CNTNAP2: variants seen among roughly 807,000 people sequenced by gnomAD.
CNTNAP2 encodes the protein contactin-associated protein-like 2.
CNTNAP2 carries 98 observed loss-of-function variants against 155.2 expected under a neutral mutation model. The ratio of observed to expected loss-of-function variants is 0.63; its 90% CI spans 0.54 to 0.75. CNTNAP2 has a LOEUF of 0.75. Among genes scored for constraint, CNTNAP2 ranks in the 30% least tolerant of loss-of-function variants. The pLI, the probability that CNTNAP2 is intolerant of heterozygous loss-of-function variation, is 0.00. For missense variants in CNTNAP2, 1,727 were observed against 1,688.1 expected (o/e 1.02, Z -0.40); for synonymous variants, 651 against 631.2 (o/e 1.03, Z -0.47).
intron 1 of CNTNAP2, among the ~76,000 whole-genome samples, chr7:146,737,698 G>T (rs982267251): frequency 2.0e-5 from 3 of 151,752 alleles, no homozygotes; most frequent in African/African-American, 7.3e-5. Context: ...TTGGCCATTT[G>T]TATGCCTTCT....
intron 13 of CNTNAP2, among the ~76,000 whole-genome samples, chr7:147,772,794 C>G (rs1299296107): frequency 6.6e-6 from 1 of 151,976 alleles, no homozygotes; most frequent in Non-Finnish European, 1.5e-5. Context: ...GAGACATCTC[C>G]CACATACAGT....
In CNTNAP2 at chr7:147,775,291, A is replaced by T. The variant is rs1016856749; in HGVS notation, c.2099-128274A>T. Among the ~76,000 whole-genome samples the T allele has an allele frequency of 2.2e-3, 99 of 44,056 alleles. 1 individual carries two copies. Among genetic ancestry groups the T allele is most frequent in the African/African-American group, 0.011 (64 of 5,640 alleles). The allele number at this position is 44,056 out of a possible 152,430, so 28.9% of individuals were successfully genotyped here. ...TTTATATATATATTTATAAATATAT[A>T]TATTTATATATATTTATAAATATAT... On this transcript the variant is annotated intron_variant, in intron 13 of 23. Transcript: ENST00000361727.
chr7:148,273,685 T>C (rs1264820110), intron 21 of CNTNAP2, among the ~76,000 whole-genome samples: 1 of 152,194 alleles, frequency 6.6e-6, no homozygotes, highest in Non-Finnish European at 1.5e-5. Context: ...TGATCATTGC[T>C]GTTGTCAGTG....
At chr7:146,900,280 A>T (rs1225607819) in intron 3 of CNTNAP2, among the ~76,000 whole-genome samples, 1 of 152,110 alleles carries the variant, frequency 6.6e-6, no homozygotes, top group Non-Finnish European at 1.5e-5. Context: ...CTCTAGAGTA[A>T]ATGTAATACA....
chr7:146,477,619 C>T (rs1796897204), intron 1 of CNTNAP2, among the ~76,000 whole-genome samples: 1 of 133,842 alleles, frequency 7.5e-6, no homozygotes, highest in African/African-American at 2.9e-5. Context: ...CATTCTTCTT[C>T]AGCAAACACA....
intron 10 of CNTNAP2, among the ~76,000 whole-genome samples, chr7:147,464,147 T>G (rs1490643470): frequency 1.3e-5 from 2 of 152,044 alleles, no homozygotes; most frequent in Non-Finnish European, 2.9e-5. Context: ...GATTCTCCAC[T>G]GTAACTTATG....
At chr7:147,295,697 T>C (rs1805427753) in intron 8 of CNTNAP2, among the ~76,000 whole-genome samples, 1 of 152,176 alleles carries the variant, frequency 6.6e-6, no homozygotes, top group South Asian at 2.1e-4. Context: ...AAGCAGCACA[T>C]TTTTCTATAA....
chr7:148,010,399 A>G (rs1442632547), intron 15 of CNTNAP2, among the ~76,000 whole-genome samples: 3 of 151,690 alleles, frequency 2.0e-5, no homozygotes, highest in Non-Finnish European at 4.4e-5. Context: ...TTTTTGGTTT[A>G]TGTTTTGTGT....
At position 147,427,427 on chromosome 7, in the gene CNTNAP2, A is replaced by G. The variant is rs145489199; in HGVS notation, c.1670+31647A>G. 3.1e-3 allele frequency among the ~76,000 whole-genome samples: 474 copies of G among 152,276 alleles called. 10 individuals are homozygous for G. Among genetic ancestry groups the G allele is most frequent in the African/African-American group, 0.011 (449 of 41,556 alleles). The stretch of plus-strand genomic sequence containing the variant: ...AGATAAGATAAGGTCATTGAACAAT[A>G]TGATTCTTATCAGAGCAAACAGAGG... On this transcript the variant is annotated intron_variant, in intron 10 of 23. Transcript: ENST00000361727.
Position 147,274,839 on chromosome 7 carries a change from T to C in CNTNAP2, c.1349-25302T>C, listed in dbSNP as rs117481225. On this transcript the variant is annotated intron_variant, in intron 8 of 23. Transcript: ENST00000361727. ...TTCAAGTTTTTAATCTATCTTGTGA[T>C]AATTTTTGTATATAGTGAGAGGTAT... Among the ~76,000 whole-genome samples the C allele has an allele frequency of 8.3e-3, 1,270 of 152,202 alleles. 17 individuals carry two copies. Among genetic ancestry groups the C allele is most frequent in the South Asian group, 0.058 (281 of 4,826 alleles).
chr7:147,558,621 C>G (rs1442121714), intron 11 of CNTNAP2, among the ~76,000 whole-genome samples: 1 of 152,112 alleles, frequency 6.6e-6, no homozygotes, highest in Non-Finnish European at 1.5e-5. Context: ...GCAGCTTAGG[C>G]CTATTGTAGG....
At chr7:146,938,604 T>C (rs1796977795) in intron 3 of CNTNAP2, among the ~76,000 whole-genome samples, 1 of 152,026 alleles carries the variant, frequency 6.6e-6, no homozygotes, top group South Asian at 2.1e-4. Context: ...CACTTATTAA[T>C]TTAAATGTTA....
At chr7:147,346,531 T>C (rs1282510294) in intron 9 of CNTNAP2, among the ~76,000 whole-genome samples, 2 of 152,236 alleles carry the variant, frequency 1.3e-5, no homozygotes. Context: ...TATTCATCAG[T>C]CATTGCCTTT....
At chr7:146,588,562 A>G (rs925901414) in intron 1 of CNTNAP2, among the ~76,000 whole-genome samples, 3 of 151,734 alleles carry the variant, frequency 2.0e-5, no homozygotes, top group African/African-American at 7.3e-5. Flanking sequence ...GCTGAGGTGC[A>G]GTGGCATTAT....
chr7:147,055,301 C>G (rs1390479003), intron 4 of CNTNAP2, among the ~76,000 whole-genome samples: 1 of 152,188 alleles, frequency 6.6e-6, no homozygotes. Context: ...AATGGAGATG[C>G]TTCATAACCG....
At chr7:147,470,295 G>T (rs1282279912) in intron 10 of CNTNAP2, among the ~76,000 whole-genome samples, 1 of 152,112 alleles carries the variant, frequency 6.6e-6, no homozygotes, top group Non-Finnish European at 1.5e-5. Context: ...AGAGATGGTA[G>T]CTATGGTAGT....
intron 1 of CNTNAP2, among the ~76,000 whole-genome samples, chr7:146,353,811 C>T (rs915297786): frequency 2.6e-5 from 4 of 151,790 alleles, no homozygotes; most frequent in Non-Finnish European, 4.4e-5. Context: ...ATAATAAACT[C>T]CTCTGTAGGA....
At chr7:147,207,744 T>C (rs1240553910) in intron 8 of CNTNAP2, among the ~76,000 whole-genome samples, 1 of 152,170 alleles carries the variant, frequency 6.6e-6, no homozygotes, top group Non-Finnish European at 1.5e-5. Flanking sequence ...ATTCTAGTTG[T>C]AGTTACTTTT....
intron 2 of CNTNAP2, among the ~76,000 whole-genome samples, chr7:146,794,749 A>G (rs1802738972): frequency 6.6e-6 from 1 of 152,348 alleles, no homozygotes; most frequent in African/African-American, 2.4e-5. Context: ...GAGAGGAATA[A>G]TGTATTATAC....
Sources: allele counts gnomAD v4.1 joint callset (sites outside exome capture counted in the v4.1 genomes callset), GRCh38; gene constraint gnomAD v4.1.1; transcripts MANE v1.5; gene names NCBI Gene and HGNC (gene_info 2026-07-23, HGNC 2026-07-21).